Variants in ZNF25 observed in about 807,000 individuals in gnomAD.
ZNF25 encodes zinc finger protein 25 (KOX 19).
In ZNF25, 21 loss-of-function variants were observed where a neutral mutation model predicts 30.9. The ratio of observed to expected loss-of-function variants is 0.68; its 90% CI spans 0.48 to 0.98. The LOEUF is 0.98. ZNF25 is among the 50% of genes least tolerant of loss of function. ZNF25 has a pLI of 0.00. For missense variants in ZNF25, 501 were observed against 529.9 expected (o/e 0.95, Z 0.54); for synonymous variants, 169 against 181.3 (o/e 0.93, Z 0.55).
In ZNF25 at chr10:37,957,021, A is replaced by G; in HGVS notation, c.237T>C (p.Pro79=). Residue 79 remains proline (P), a splice_region_variant and synonymous_variant, in exon 4 of 6, where the codon CCT becomes CCC. Coordinates refer to ENST00000302609, the MANE Select transcript of ZNF25 (RefSeq NM_145011.4). The stretch of plus-strand genomic sequence containing the variant: ...GGGATATAATTTCTTCTAACTCACC[A>G]GGGAAGCCCCGATGTGGAAATTCTA... ...LEVEFPHRGF[P]EDLWSIHDLE... 2 of 1,613,428 alleles carry G rather than the reference A, an allele frequency of 1.2e-6. No homozygotes were observed. Among genetic ancestry groups the G allele is most frequent in the Non-Finnish European group, 1.7e-6 (2 of 1,179,578 alleles).
intron 2 of ZNF25, among the ~76,000 whole-genome samples, chr10:37,966,664 G>A (rs571609693): frequency 6.6e-6 from 1 of 152,212 alleles, no homozygotes; most frequent in Non-Finnish European, 1.5e-5. Context: ...CTCAAGAACA[G>A]CAAGGGGGAA....
intron 3 of ZNF25, 117 bp downstream of exon 3, chr10:37,957,303 G>C: frequency 7.2e-7 from 1 of 1,388,998 alleles, no homozygotes; most frequent in East Asian, 2.3e-5. Context: ...TATTAACTTC[G>C]ACCTCTGAAT....
chr10:37,965,008 C>T (rs2063103461), intron 2 of ZNF25, among the ~76,000 whole-genome samples: 1 of 152,160 alleles, frequency 6.6e-6, no homozygotes, highest in Middle Eastern at 3.2e-3. Flanking sequence ...GCTCTGGTTC[C>T]AGCTTCAGCT....
chr10:37,970,644 T>A (rs1396233662), intron 2 of ZNF25, among the ~76,000 whole-genome samples: 1 of 152,216 alleles, frequency 6.6e-6, no homozygotes, highest in Non-Finnish European at 1.5e-5. Flanking sequence ...ATTCAATGTT[T>A]TCTACAGTCT....
In ZNF25 at chr10:37,953,091, T is replaced by G. The variant is rs766392366; in HGVS notation, c.407A>C (p.His136Pro). ...FFCQKSALIVHQHTHSKGKSY... is the reference protein window; with the variant it reads ...FFCQKSALIVPQHTHSKGKSY... ...TTTGCCCTTTGAGTGAGTATGCTGA[T>G]GTACTATGAGGGCAGACTTCTGGCA... Residue 136 changes from histidine (H) to proline (P), a missense_variant, in exon 6 of 6, where the codon CAT becomes CCT. Physicochemically the swap from His to Pro is moderately conservative, Grantham distance 77. Transcript: ENST00000302609. 6.2e-7 allele frequency: 1 copy of G among 1,614,032 alleles called. No individual in the cohort carries two copies. The highest frequency in any genetic ancestry group is 1.1e-5 in the South Asian group (1 of 91,074).
chr10:37,953,770 C>T lies in ZNF25; in HGVS notation c.239-12G>A, dbSNP rs2062340683. On this transcript the variant is annotated splice_polypyrimidine_tract_variant and intron_variant, in intron 4 of 5. Coordinates refer to ENST00000302609, the MANE Select transcript of ZNF25 (RefSeq NM_145011.4). ...GCTCCATAGGTCTTCTACAAGGGAA[C>T]CAAAAATGTAATACTTTATAAATAC... 1 of 1,609,780 alleles carries T rather than the reference C, an allele frequency of 6.2e-7. No individual in the cohort carries two copies. Among genetic ancestry groups the T allele is most frequent in the African/African-American group, 1.3e-5 (1 of 74,788 alleles).
In ZNF25 at chr10:37,958,700, G is replaced by A. The variant is rs548148377; in HGVS notation, c.16-1154C>T. On this transcript the variant is annotated intron_variant, in intron 2 of 5. Coordinates refer to ENST00000302609, the MANE Select transcript of ZNF25 (RefSeq NM_145011.4). Reference sequence around the variant, plus strand: ...CTTGAGAGGGTGATATGAGAGAATCGCATGAACCTGGGAAGTTAAGGCTGC... The same window carrying A: ...CTTGAGAGGGTGATATGAGAGAATCACATGAACCTGGGAAGTTAAGGCTGC... 1.1e-3 allele frequency among the ~76,000 whole-genome samples: 165 copies of A among 152,020 alleles called. 2 individuals are homozygous for A. Among genetic ancestry groups the A allele is most frequent in the Non-Finnish European group, 1.7e-3 (116 of 67,986 alleles).
chr10:37,968,178 C>T (rs2063292179), intron 2 of ZNF25, among the ~76,000 whole-genome samples: 1 of 152,072 alleles, frequency 6.6e-6, no homozygotes, highest in African/African-American at 2.4e-5. Flanking sequence ...CTGCCTCAGC[C>T]TCCCAAGTAG....
intron 2 of ZNF25, among the ~76,000 whole-genome samples, chr10:37,965,342 A>AT (rs2063123697): frequency 6.6e-6 from 1 of 152,190 alleles, no homozygotes; most frequent in African/African-American, 2.4e-5. Flanking sequence ...ATACTTTGGA[A>AT]TGCTAGAGCC....
chr10:37,963,067 T>G (rs2062977457), intron 2 of ZNF25, among the ~76,000 whole-genome samples: 2 of 151,652 alleles, frequency 1.3e-5, no homozygotes, highest in African/African-American at 4.8e-5. Flanking sequence ...TTTTTTTTTT[T>G]TTAAACCATC....
Position 37,976,625 on chromosome 10 carries a change from A to C in ZNF25, c.-205T>G, listed in dbSNP as rs2063843139. The C allele has an allele frequency of 6.6e-6, 1 of 152,334 alleles. No individual in the cohort carries two copies. The highest frequency in any genetic ancestry group is 1.5e-5 in the Non-Finnish European group (1 of 68,194). 9.4% of individuals were successfully genotyped at this position (152,334 alleles called of 1,614,324 possible). A position where few individuals can be genotyped will look rare whatever the true frequency, so the allele number is the denominator to read the frequency against. On this transcript the variant is annotated 5_prime_UTR_variant, in exon 1 of 6. Coordinates refer to ENST00000302609, the MANE Select transcript of ZNF25 (RefSeq NM_145011.4). ...CCACCCTAGGGCGTAAGACCAAAAA[A>C]ACGCCAATGCCAGAAAGAAGACACT...
chr10:37,964,905 G>T (rs957628126), intron 2 of ZNF25, among the ~76,000 whole-genome samples: 1 of 152,158 alleles, frequency 6.6e-6, no homozygotes, highest in African/African-American at 2.4e-5. Flanking sequence ...TTCCATCACA[G>T]GCCCAGAGGC....
In ZNF25 at chr10:37,951,904, T is replaced by G; in HGVS notation, c.*223A>C. The G allele has an allele frequency of 2.4e-6, 1 of 416,672 alleles. No individual in the cohort carries two copies. The highest frequency in any genetic ancestry group is 3.5e-5 in the East Asian group (1 of 28,370). 25.8% of individuals were successfully genotyped at this position (416,672 alleles called of 1,614,324 possible). A position where few individuals can be genotyped will look rare whatever the true frequency, so the allele number is the denominator to read the frequency against. On this transcript the variant is annotated 3_prime_UTR_variant, in exon 6 of 6. Coordinates refer to ENST00000302609, the MANE Select transcript of ZNF25 (RefSeq NM_145011.4). ...CCTGTTTTACAATTTGCATGACTTC[T>G]GCCATCTATATTATCTAATATTTAG...
At chr10:37,959,824 G>A (rs1054124753) in intron 2 of ZNF25, among the ~76,000 whole-genome samples, 2 of 151,648 alleles carry the variant, frequency 1.3e-5, no homozygotes, top group Admixed American at 1.3e-4. Context: ...TGGCCAGGCT[G>A]GTCTCGAACT....
At chr10:37,955,095 A>C (rs1324331245) in intron 4 of ZNF25, among the ~76,000 whole-genome samples, 1 of 152,120 alleles carries the variant, frequency 6.6e-6, no homozygotes, top group Non-Finnish European at 1.5e-5. Flanking sequence ...TGGAGGTTGC[A>C]GTGAGCTGAG....
chr10:37,957,584 G>C (rs1317534042), intron 2 of ZNF25, 38 bp from the exon 3 acceptor site: 1 of 1,595,768 alleles, frequency 6.3e-7, no homozygotes, highest in Non-Finnish European at 8.5e-7. Context: ...GAAGTAACCA[G>C]AATAGATTGC....
intron 4 of ZNF25, among the ~76,000 whole-genome samples, chr10:37,955,025 G>A (rs2062430188): frequency 6.6e-6 from 1 of 151,954 alleles, no homozygotes; most frequent in South Asian, 2.1e-4. Flanking sequence ...CTGGTTGTGG[G>A]CACCTGTAAT....
rs572048325 is a variant in ZNF25, at chr10:37,953,061, T to C, written c.437A>G (p.Tyr146Cys). 1.7e-5 allele frequency: 27 copies of C among 1,613,898 alleles called. No individual in the cohort carries two copies. The highest frequency in any genetic ancestry group is 2.2e-5 in the Non-Finnish European group (26 of 1,180,006). ...HQHTHSKGKS[Y>C]DCDKCGKSFS... ...AGATTTCCCACATTTATCACAGTCA[T>C]AGGATTTGCCCTTTGAGTGAGTATG... Residue 146 changes from tyrosine (Y) to cysteine (C), a missense_variant, in exon 6 of 6, where the codon TAT becomes TGT. By Grantham distance (194) the Tyr-to-Cys change is radical. Transcript: ENST00000302609.
intron 1 of ZNF25, among the ~76,000 whole-genome samples, chr10:37,975,772 C>T (rs7895468): frequency 0.21 from 32,605 of 152,050 alleles, 3,693 homozygotes; most frequent in East Asian, 0.4. Flanking sequence ...CAGAACACTA[C>T]CTGGTTGAGA....
Sources: allele counts gnomAD v4.1 joint callset (sites outside exome capture counted in the v4.1 genomes callset), GRCh38; gene constraint gnomAD v4.1.1; transcripts MANE v1.5; gene names NCBI Gene and HGNC (gene_info 2026-07-23, HGNC 2026-07-21).